The following SLC44A2 variants were observed in gnomAD, a reference collection of about 807,000 sequenced individuals.
SLC44A2 encodes choline transporter-like protein 2.
SLC44A2 carries 57 observed loss-of-function variants against 90.8 expected under a neutral mutation model. The observed-to-expected ratio is 0.63, with a 90% confidence interval of 0.51 to 0.78. The LOEUF is 0.78. Among genes scored for constraint, SLC44A2 ranks in the 30% least tolerant of loss-of-function variants. SLC44A2 has a pLI of 0.00. For synonymous variants in SLC44A2, 355 were observed against 360.7 expected (o/e 0.98, Z 0.18); for missense variants, 794 against 919.7 (o/e 0.86, Z 1.77).
upstream of SLC44A2, among the ~76,000 whole-genome samples, chr19:10,624,239 G>A (rs185618243): frequency 3.9e-3 from 595 of 151,924 alleles, 4 homozygotes; most frequent in African/African-American, 0.014. Context: ...CTCATGATCC[G>A]CCCACCTCGG....
chr19:10,633,291 G>A (rs1448525937), intron 10 of SLC44A2, among the ~76,000 whole-genome samples: 1 of 151,508 alleles, frequency 6.6e-6, no homozygotes, highest in Non-Finnish European at 1.5e-5. Context: ...CGCCTCCCGA[G>A]TATCTGGGAT....
rs372502995 is a variant in SLC44A2, at chr19:10,631,545, G to A, written c.502+10G>A. ...ATCCCCAGCAAACCCTGTGAGTCAG[G>A]GGATCCCAGGAGGCTCAGGTGGTGA... On this transcript the variant is annotated intron_variant, in intron 7 of 21. Transcript: ENST00000335757. 1 of 1,613,984 alleles carries A rather than the reference G, an allele frequency of 6.2e-7. No individual in the cohort carries two copies. The highest frequency in any genetic ancestry group is 8.5e-7 in the Non-Finnish European group (1 of 1,180,012).
intron 1 of SLC44A2, among the ~76,000 whole-genome samples, chr19:10,604,017 T>A (rs1284426166): frequency 6.6e-6 from 1 of 152,222 alleles, no homozygotes; most frequent in African/African-American, 2.4e-5. Flanking sequence ...CAGGGGACCC[T>A]GCCAGACAGA....
At position 10,602,597 on chromosome 19, in the gene SLC44A2, G is replaced by A. The variant is rs1369275030; in HGVS notation, c.31+36G>A. 28 of 1,253,906 alleles carry A rather than the reference G, an allele frequency of 2.2e-5. 1 individual carries two copies. The highest frequency in any genetic ancestry group is 6.9e-5 in the South Asian group (2 of 29,130). The allele number at this position is 1,253,906 out of a possible 1,614,324, so 77.7% of individuals were successfully genotyped here. Reference sequence around the variant, plus strand: ...CCTCCGGTCAGGGGCCGCCTCTGCTGACCTGCGGGTGGGAGGACCTTGAGC... The same window carrying A: ...CCTCCGGTCAGGGGCCGCCTCTGCTAACCTGCGGGTGGGAGGACCTTGAGC... On this transcript the variant is annotated intron_variant, in intron 1 of 21. Transcript: ENST00000407327.
intron 1 of SLC44A2, among the ~76,000 whole-genome samples, chr19:10,604,569 C>T (rs977760570): frequency 5.9e-5 from 9 of 152,122 alleles, no homozygotes; most frequent in Non-Finnish European, 8.8e-5. Context: ...GCTTCCCATC[C>T]GTCATGAGTT....
At chr19:10,635,794 T>TTA (rs2067048365) in intron 14 of SLC44A2, 1 of 318,958 alleles carries the variant, frequency 3.1e-6, no homozygotes, top group Admixed American at 5.0e-5. Flanking sequence ...TTTTTTTTTT[T>TTA]AATAAGACAG....
chr19:10,630,869 G>T (rs76638997), intron 4 of SLC44A2, among the ~76,000 whole-genome samples, 188 bp from the exon 5 acceptor site: 1 of 145,154 alleles, frequency 6.9e-6, no homozygotes, highest in African/African-American at 2.6e-5. Flanking sequence ...GCCGGGCTTG[G>T]TAGCGGGCAC....
rs968641200 is a variant in SLC44A2 at position 10,643,713 on chromosome 19, G to A, written c.*328G>A. The A allele has an allele frequency of 2.8e-5, 7 of 247,872 alleles. No individual in the cohort carries two copies. Among genetic ancestry groups the A allele is most frequent in the Non-Finnish European group, 3.2e-5 (4 of 125,650 alleles). 15.4% of individuals were successfully genotyped at this position (247,872 alleles called of 1,614,324 possible). ...CCTGTCCCCCGCTTACACGACAACG[G>A]GCCAGACCACAGGAAGGACGGTGTT... On this transcript the variant is annotated 3_prime_UTR_variant, in exon 22 of 22. Transcript: ENST00000335757.
intron 1 of SLC44A2, among the ~76,000 whole-genome samples, chr19:10,606,277 G>A (rs1918101656): frequency 6.6e-6 from 1 of 151,788 alleles, no homozygotes; most frequent in Non-Finnish European, 1.5e-5. Flanking sequence ...CAGCCTGGAT[G>A]ACAGAGGAAG....
chr19:10,602,807 G>A (rs991941873), intron 1 of SLC44A2, among the ~76,000 whole-genome samples: 1 of 152,156 alleles, frequency 6.6e-6, no homozygotes, highest in Non-Finnish European at 1.5e-5. Flanking sequence ...CGCATGCTCC[G>A]CCCGGGGAGG....
intron 10 of SLC44A2, among the ~76,000 whole-genome samples, chr19:10,634,137 ATTTTTTTTTTTT>A (rs1177075276): frequency 2.5e-5 from 2 of 80,274 alleles, no homozygotes; most frequent in Non-Finnish European, 4.4e-5. Context: ...CGCCCAGCTA[ATTTTTTTTTTTT>A]TTTTTTTTTT....
In SLC44A2 at chr19:10,637,784, T is replaced by C. The variant is rs996009952; in HGVS notation, c.1695+37T>C. On this transcript the variant is annotated intron_variant, in intron 17 of 21. Transcript: ENST00000335757. Reference sequence around the variant, plus strand: ...TGGGACCCCCAACCAACCCGCCAGCTCCTGCTGGGTGAGAGGACCACCCCC... The same window carrying C: ...TGGGACCCCCAACCAACCCGCCAGCCCCTGCTGGGTGAGAGGACCACCCCC... The C allele has an allele frequency of 1.9e-6, 3 of 1,612,108 alleles. No homozygotes were observed. In the African/African-American group the frequency reaches 4.0e-5, roughly 22 times the overall value.
rs768511828 is a variant in SLC44A2 at position 10,627,778 on chromosome 19, T to C, written c.143T>C (p.Val48Ala). 2 of 1,613,964 alleles carry C rather than the reference T, an allele frequency of 1.2e-6. No homozygotes were observed. The highest frequency in any genetic ancestry group is 3.3e-5 in the Admixed American group (2 of 59,970). The change falls in exon 3 of 22, where the codon GTG (valine) becomes GCG (alanine). Residue 48 changes from valine to alanine, a missense_variant. Transcript: ENST00000335757. ...CTGCTCCTGGCCATTGTGGGCTACGTGGCTGTAGGCATCATAGGTGAGTAG... is the reference window on the plus strand; with the variant it reads ...CTGCTCCTGGCCATTGTGGGCTACGCGGCTGTAGGCATCATAGGTGAGTAG... ...VFLLLAIVGY[V>A]AVGIIAWTHG...
Position 10,635,424 on chromosome 19 carries a change from C to A in SLC44A2, c.1149-7C>A, listed in dbSNP as rs769894579. On this transcript the variant is annotated splice_region_variant and splice_polypyrimidine_tract_variant and intron_variant, in intron 13 of 21. Transcript: ENST00000335757. ...CCTAGACCTCTGCTTCCTTAACGAA[C>A]CTCCAGCTTCCTGTCCACTTCCAAC... The A allele has an allele frequency of 1.5e-5, 24 of 1,614,036 alleles. No homozygotes were observed. The highest frequency in any genetic ancestry group is 1.8e-5 in the Non-Finnish European group (21 of 1,180,036).
chr19:10,606,474 G>A (rs912468941), intron 1 of SLC44A2, among the ~76,000 whole-genome samples: 2 of 151,984 alleles, frequency 1.3e-5, no homozygotes, highest in Admixed American at 6.6e-5. Context: ...TCAGGAGTTC[G>A]AGACCAGCCT....
chr19:10,638,175 T>C (rs1204282704), intron 19 of SLC44A2, 52 bp from the exon 20 acceptor site: 37 of 1,612,176 alleles, frequency 2.3e-5, no homozygotes, highest in Non-Finnish European at 3.0e-5. Flanking sequence ...CTTAGGAGGC[T>C]GTTTCCTATA....
At position 10,643,572 on chromosome 19, in the gene SLC44A2, C is replaced by T. The variant is rs535322376; in HGVS notation, c.*187C>T. 1.1e-4 allele frequency: 70 copies of T among 637,238 alleles called. No individual in the cohort carries two copies. Among genetic ancestry groups the T allele is most frequent in the Non-Finnish European group, 1.5e-4 (59 of 401,024 alleles). The allele number at this position is 637,238 out of a possible 1,614,324, so 39.5% of individuals were successfully genotyped here. On this transcript the variant is annotated 3_prime_UTR_variant, in exon 22 of 22. Coordinates refer to ENST00000335757, the MANE Select transcript of SLC44A2 (RefSeq NM_020428.4). ...GGCATCTCCTTCTTATGCCAAGGGG[C>T]GCTTGGAGTTTTCATGGCTGCCCCT...
intron 1 of SLC44A2, among the ~76,000 whole-genome samples, chr19:10,603,664 C>T (rs1209064559): frequency 6.6e-6 from 1 of 152,214 alleles, no homozygotes; most frequent in East Asian, 1.9e-4. Context: ...TGGCCACCTC[C>T]CAGCACCCCC....
In SLC44A2 at chr19:10,634,745, C is replaced by T. The variant is rs770540873; in HGVS notation, c.824-11C>T. The T allele has an allele frequency of 3.1e-6, 5 of 1,614,128 alleles. No homozygotes were observed. In the South Asian group the frequency reaches 4.4e-5, roughly 14 times the overall value. ...GCACTGCTGGACTGAGCTTGTGGTT[C>T]CCCCATGCAGGAATATTTCACTGCT... On this transcript the variant is annotated splice_polypyrimidine_tract_variant and intron_variant, in intron 10 of 21. Transcript: ENST00000335757.
Sources: gnomAD v4.1 joint callset for allele counts (sites outside exome capture counted in the v4.1 genomes callset) on GRCh38, gnomAD v4.1.1 for gene constraint, MANE v1.5 for transcripts, NCBI Gene and HGNC (gene_info 2026-07-23, HGNC 2026-07-21) for gene names.